SEC31A: variants seen among roughly 807,000 people sequenced by gnomAD.
The protein encoded by SEC31A is SEC31 homolog A, COPII component, also known as protein transport protein Sec31A.
A neutral mutation model predicts 151.0 loss-of-function variants in SEC31A; 70 were observed. That is an observed-to-expected ratio of 0.46 (90% CI 0.38 to 0.57). SEC31A has a LOEUF of 0.57. Ranked by LOEUF, SEC31A falls within the 20% of genes least tolerant of loss-of-function variation. The pLI, the probability that SEC31A is intolerant of heterozygous loss-of-function variation, is 0.00. For synonymous variants in SEC31A, 475 were observed against 505.9 expected (o/e 0.94, Z 0.82); for missense variants, 1,330 against 1,471.2 (o/e 0.90, Z 1.57).
intron 8 of SEC31A, 102 bp downstream of exon 8, chr4:82,870,223 C>T: frequency 1.2e-6 from 1 of 815,072 alleles, no homozygotes; most frequent in Non-Finnish European, 2.0e-6. Flanking sequence ...ACATACTCTT[C>T]ACATAGTAAT....
intron 3 of SEC31A, among the ~76,000 whole-genome samples, chr4:82,899,378 C>G (rs1347500615): frequency 6.6e-6 from 1 of 152,160 alleles, no homozygotes; most frequent in African/African-American, 2.4e-5. Context: ...AAAACTGTTA[C>G]AAAAATATAA....
chr4:82,839,340 G>A (rs1426778709), intron 22 of SEC31A, among the ~76,000 whole-genome samples: 3 of 152,122 alleles, frequency 2.0e-5, no homozygotes, highest in Admixed American at 6.6e-5. Flanking sequence ...TCGTAGAGAC[G>A]GGGTTTCGCC....
At chr4:82,838,318 GCT>G (rs1188943671) in intron 22 of SEC31A, among the ~76,000 whole-genome samples, 2 of 152,050 alleles carry the variant, frequency 1.3e-5, no homozygotes, top group Non-Finnish European at 2.9e-5. Context: ...ATTTGAAAGT[GCT>G]CTCCCTCCTA....
In SEC31A at chr4:82,827,541, G is replaced by A. The variant is rs887239169; in HGVS notation, c.3119C>T (p.Pro1040Leu). Residue 1040 changes from proline to leucine, a missense_variant, in exon 24 of 27, where the codon CCT (proline) becomes CTT (leucine). Physicochemically the swap from Pro to Leu is moderately conservative, Grantham distance 98. Coordinates refer to ENST00000395310, the MANE Select transcript of SEC31A (RefSeq NM_001077207.4). The stretch of plus-strand genomic sequence containing the variant: ...GCTTGACAGTGGTACTGGAGCTGAA[G>A]GCTGTTGCTGCAGCATTTGTGACTG... ...DPQSQMLQQQ[P>L]SAPVPLSSQS... 4 of 1,614,100 alleles carry A rather than the reference G, an allele frequency of 2.5e-6. No homozygotes were observed. In the African/African-American group the frequency reaches 5.3e-5, roughly 22 times the overall value.
intron 6 of SEC31A, among the ~76,000 whole-genome samples, 167 bp from the exon 7 acceptor site, chr4:82,872,253 T>C (rs1296881214): frequency 6.6e-6 from 1 of 152,174 alleles, no homozygotes; most frequent in African/African-American, 2.4e-5. Context: ...AGTAGCGCCA[T>C]CTCAGCTCAC....
At chr4:82,884,649 T>A (rs1181860569) in intron 1 of SEC31A, among the ~76,000 whole-genome samples, 3 of 152,214 alleles carry the variant, frequency 2.0e-5, no homozygotes, top group African/African-American at 7.2e-5. Context: ...ACAACATGTA[T>A]CTGTCATTAT....
intron 18 of SEC31A, among the ~76,000 whole-genome samples, chr4:82,852,141 A>T (rs185671277): frequency 6.6e-6 from 1 of 152,300 alleles, no homozygotes; most frequent in East Asian, 1.9e-4. Flanking sequence ...GTTCCCCTGC[A>T]CATGCTCTCT....
At chr4:82,890,578 G>C (rs966473523) in intron 1 of SEC31A, 1 of 222,814 alleles carries the variant, frequency 4.5e-6, no homozygotes, top group Non-Finnish European at 7.6e-6. Context: ...CAAAGTACAG[G>C]CTGCGCCTGG....
chr4:82,835,129 G>A (rs1726906111), intron 22 of SEC31A, among the ~76,000 whole-genome samples: 1 of 152,146 alleles, frequency 6.6e-6, no homozygotes. Flanking sequence ...TTACAGGTAT[G>A]AGCCACAACT....
At chr4:82,893,769 T>C (rs971185062), upstream of SEC31A, 1 of 152,200 alleles carries the variant, frequency 6.6e-6, no homozygotes, top group African/African-American at 2.4e-5. Flanking sequence ...TAAACTATAT[T>C]TTTGAACATT....
chr4:82,881,992 C>G (rs2125849371), intron 1 of SEC31A, 52 bp from the exon 2 acceptor site: 1 of 1,290,184 alleles, frequency 7.8e-7, no homozygotes, highest in Non-Finnish European at 1.1e-6. Flanking sequence ...GAATGTCTAA[C>G]ACAGAACACA....
intron 22 of SEC31A, among the ~76,000 whole-genome samples, chr4:82,829,660 T>C (rs970856171): frequency 1.3e-5 from 2 of 152,110 alleles, no homozygotes; most frequent in Non-Finnish European, 2.9e-5. Flanking sequence ...ATATCTGTGC[T>C]AAGATTTTTA....
chr4:82,875,794 T>G lies in SEC31A; in HGVS notation c.431A>C (p.Glu144Ala), dbSNP rs1173921877. Reference sequence around the variant, plus strand: ...TAGATCCCATATGTAGATTTCAGATTCATTAGCACCAGAAGCTACCAGATT... The same window carrying G: ...TAGATCCCATATGTAGATTTCAGATGCATTAGCACCAGAAGCTACCAGATT... ...QTNLVASGAN[E>A]SEIYIWDLNN... Residue 144 changes from glutamate to alanine, a missense_variant, in exon 5 of 27, where the codon GAA becomes GCA. Transcript: ENST00000395310. 1.2e-6 allele frequency: 2 copies of G among 1,607,480 alleles called. No individual in the cohort carries two copies. The highest frequency in any genetic ancestry group is 2.2e-5 in the South Asian group (2 of 89,246).
chr4:82,897,464 A>T (rs527354242), intron 3 of SEC31A, among the ~76,000 whole-genome samples: 15 of 152,350 alleles, frequency 9.8e-5, no homozygotes, highest in Non-Finnish European at 2.1e-4. Context: ...ACCTGCTTTC[A>T]TAGAGTTATT....
intron 18 of SEC31A, 60 bp from the exon 19 acceptor site, chr4:82,851,664 GA>G: frequency 7.1e-7 from 1 of 1,410,994 alleles, no homozygotes; most frequent in Non-Finnish European, 9.8e-7. Context: ...GAGGAAGCAG[GA>G]AAAGATCAAG....
chr4:82,864,131 T>A (rs988243879), intron 11 of SEC31A, among the ~76,000 whole-genome samples: 8 of 152,312 alleles, frequency 5.3e-5, no homozygotes, highest in Admixed American at 2.0e-4. Flanking sequence ...TATTATTATT[T>A]TTTTTTACTT....
chr4:82,892,552 CTT>C (rs969506500), upstream of SEC31A, among the ~76,000 whole-genome samples: 2 of 151,934 alleles, frequency 1.3e-5, no homozygotes, highest in Non-Finnish European at 2.9e-5. Flanking sequence ...CCAATTACCT[CTT>C]TTAATTATCC....
At chr4:82,884,819 T>C (rs935403839) in intron 1 of SEC31A, among the ~76,000 whole-genome samples, 6 of 152,182 alleles carry the variant, frequency 3.9e-5, no homozygotes, top group African/African-American at 1.4e-4. Flanking sequence ...CAATATATAT[T>C]AACTAAGTCC....
At chr4:82,855,872 CA>C (rs1355300314) in intron 16 of SEC31A, among the ~76,000 whole-genome samples, 1 of 152,138 alleles carries the variant, frequency 6.6e-6, no homozygotes, top group Non-Finnish European at 1.5e-5. Context: ...ATCTGTACAA[CA>C]AACCCCTATG....
Sources: allele counts gnomAD v4.1 joint callset (sites outside exome capture counted in the v4.1 genomes callset), GRCh38; gene constraint gnomAD v4.1.1; transcripts MANE v1.5; gene names NCBI Gene and HGNC (gene_info 2026-07-23, HGNC 2026-07-21).